RSU1: variants seen among roughly 807,000 people sequenced by gnomAD.
RSU1 encodes rsu-1.
RSU1 carries 26 observed loss-of-function variants against 31.1 expected under a neutral mutation model. The ratio of observed to expected loss-of-function variants is 0.84; its 90% CI spans 0.61 to 1.16. The LOEUF is 1.16. Ranked by LOEUF, RSU1 falls within the 50% of genes most tolerant of loss-of-function variation. RSU1 has a pLI of 0.00. For synonymous variants in RSU1, 164 were observed against 136.3 expected, an observed-to-expected ratio of 1.20 and a Z score of -1.41; for missense variants, 320 against 339.1, an observed-to-expected ratio of 0.94 and a Z score of 0.44.
In RSU1 at chr10:16,592,756, G is replaced by A. The variant is rs1283530156; in HGVS notation, c.*638C>T. 1 of 152,078 alleles carries A rather than the reference G, an allele frequency of 6.6e-6. No homozygotes were observed. Among genetic ancestry groups the A allele is most frequent in the Admixed American group, 6.5e-5 (1 of 15,272 alleles). The allele number at this position is 152,078 out of a possible 1,614,324, so 9.4% of individuals were successfully genotyped here. A position where few individuals can be genotyped will look rare whatever the true frequency, so the allele number is the denominator to read the frequency against. ...TTGACAAATTAATGTGAGAAGAAACGAACTGTGATTTAATTTTGCATTTCT... is the reference window on the plus strand; with the variant it reads ...TTGACAAATTAATGTGAGAAGAAACAAACTGTGATTTAATTTTGCATTTCT... On this transcript the variant is annotated 3_prime_UTR_variant, in exon 9 of 9. Transcript: ENST00000345264.
intron 7 of RSU1, among the ~76,000 whole-genome samples, chr10:16,701,291 T>C (rs1009217015): frequency 1.3e-5 from 2 of 152,226 alleles, no homozygotes; most frequent in African/African-American, 4.8e-5. Flanking sequence ...AACATCACGC[T>C]TGTGGCCCAT....
intron 4 of RSU1, among the ~76,000 whole-genome samples, chr10:16,759,939 C>T (rs901808810): frequency 2.0e-5 from 3 of 152,138 alleles, no homozygotes; most frequent in Non-Finnish European, 4.4e-5. Context: ...GTATGCTTTT[C>T]ACCCTGGCTC....
chr10:16,791,577 G>A (rs561967177), intron 2 of RSU1, among the ~76,000 whole-genome samples: 2 of 146,236 alleles, frequency 1.4e-5, no homozygotes, highest in African/African-American at 2.5e-5. Context: ...TGCAGTGACC[G>A]ACATCACACC....
chr10:16,738,663 G>A (rs79796911), intron 7 of RSU1, among the ~76,000 whole-genome samples: 8,016 of 152,018 alleles, frequency 0.053, 617 homozygotes, highest in African/African-American at 0.17. Context: ...TAAAAATGGG[G>A]ACAATACAGA....
intron 7 of RSU1, among the ~76,000 whole-genome samples, chr10:16,747,316 G>T (rs1413009384): frequency 1.3e-5 from 2 of 152,078 alleles, no homozygotes; most frequent in African/African-American, 4.8e-5. Context: ...CAGCCTAGAC[G>T]TCTCTTCTGG....
At chr10:16,799,432 C>A (rs1047155339) in intron 2 of RSU1, among the ~76,000 whole-genome samples, 3 of 152,136 alleles carry the variant, frequency 2.0e-5, no homozygotes, top group East Asian at 3.9e-4. Context: ...CTGGAGCCAG[C>A]AACCGGTAGG....
At chr10:16,646,052 A>ATATACATATATGTG (rs1564298671) in intron 8 of RSU1, among the ~76,000 whole-genome samples, 3 of 28,282 alleles carry the variant, frequency 1.1e-4, no homozygotes, top group Non-Finnish European at 1.5e-4. Flanking sequence ...ATATATGTGT[A>ATATACATATATGTG]TATATATATA....
At chr10:16,617,685 C>A (rs1188712553) in intron 8 of RSU1, among the ~76,000 whole-genome samples, 1 of 152,174 alleles carries the variant, frequency 6.6e-6, no homozygotes, top group Non-Finnish European at 1.5e-5. Flanking sequence ...TAACACCGCA[C>A]ACCTACAACC....
chr10:16,790,798 C>A (rs1055366486), intron 2 of RSU1, among the ~76,000 whole-genome samples: 5 of 152,092 alleles, frequency 3.3e-5, no homozygotes, highest in Non-Finnish European at 7.4e-5. Context: ...GTGTTAGCAC[C>A]TCCCTATTTG....
chr10:16,615,787 C>T (rs575024204), intron 8 of RSU1, among the ~76,000 whole-genome samples: 56 of 152,208 alleles, frequency 3.7e-4, no homozygotes, highest in Middle Eastern at 3.4e-3. Flanking sequence ...GGGTAAATAA[C>T]GAAATTAAGG....
chr10:16,779,901 G>C (rs1410878621), intron 3 of RSU1, among the ~76,000 whole-genome samples: 1 of 152,164 alleles, frequency 6.6e-6, no homozygotes, highest in African/African-American at 2.4e-5. Context: ...TCGGGTGTCA[G>C]TGACGCTACT....
chr10:16,757,211 G>A (rs1037876882), intron 4 of RSU1, among the ~76,000 whole-genome samples: 11 of 151,624 alleles, frequency 7.3e-5, no homozygotes, highest in Non-Finnish European at 1.3e-4. Context: ...TTTTCTTAAC[G>A]CAGTTCCCTT....
chr10:16,804,097 CAA>C (rs933394423), intron 2 of RSU1, among the ~76,000 whole-genome samples: 11 of 151,624 alleles, frequency 7.3e-5, no homozygotes, highest in African/African-American at 2.7e-4. Flanking sequence ...AACTAGTATC[CAA>C]AATATAAAAA....
At chr10:16,727,105 G>A (rs552349256) in intron 7 of RSU1, 1 of 456,618 alleles carries the variant, frequency 2.2e-6, no homozygotes. Context: ...CCAGTTGGTG[G>A]TTTTTGCCAA....
At chr10:16,685,332 T>A (rs940190221) in intron 8 of RSU1, among the ~76,000 whole-genome samples, 7 of 152,130 alleles carry the variant, frequency 4.6e-5, no homozygotes, top group African/African-American at 1.7e-4. Flanking sequence ...AAGAGAGAAT[T>A]CTTGGATCTC....
intron 7 of RSU1, among the ~76,000 whole-genome samples, chr10:16,727,560 C>T (rs1056892966): frequency 2.0e-5 from 3 of 152,268 alleles, no homozygotes; most frequent in African/African-American, 7.2e-5. Flanking sequence ...TACAAAATGT[C>T]CAACTCGGGC....
chr10:16,703,558 G>A (rs531104504), intron 7 of RSU1, among the ~76,000 whole-genome samples: 4 of 152,066 alleles, frequency 2.6e-5, no homozygotes, highest in Non-Finnish European at 5.9e-5. Flanking sequence ...ATGTCTAGGG[G>A]GTTGGTTCAT....
chr10:16,653,063 CAAGTA>C, intron 8 of RSU1, among the ~76,000 whole-genome samples: 1 of 152,050 alleles, frequency 6.6e-6, no homozygotes, highest in Middle Eastern at 3.4e-3. Flanking sequence ...GAAAAAAATA[CAAGTA>C]AAGCCAAGAG....
intron 7 of RSU1, among the ~76,000 whole-genome samples, chr10:16,705,281 T>C (rs1036150558): frequency 1.3e-5 from 2 of 152,232 alleles, no homozygotes; most frequent in Non-Finnish European, 2.9e-5. Context: ...CCAGGACCCC[T>C]GTGGATGTCA....
Sources: gnomAD v4.1 joint callset for allele counts (sites outside exome capture counted in the v4.1 genomes callset) on GRCh38, gnomAD v4.1.1 for gene constraint, MANE v1.5 for transcripts, NCBI Gene and HGNC (gene_info 2026-07-23, HGNC 2026-07-21) for gene names.